Variants in CDK10 observed in about 807,000 individuals in gnomAD.
CDK10 encodes the protein cyclin dependent kinase 10.
In CDK10, 55 loss-of-function variants were observed where a neutral mutation model predicts 51.0. The ratio of observed to expected loss-of-function variants is 1.08; its 90% CI spans 0.87 to 1.35. The LOEUF (loss-of-function observed/expected upper bound fraction) is 1.35, where lower values mean the gene tolerates loss of function less well. Ranked by LOEUF, CDK10 falls within the 40% of genes most tolerant of loss-of-function variation. The probability of loss-of-function intolerance (pLI) is 0.00; values close to 1 mark genes in which losing one functional copy is unlikely to be tolerated. For missense variants in CDK10, 589 were observed against 485.1 expected (o/e 1.21, Z -2.01); for synonymous variants, 255 against 199.1 (o/e 1.28, Z -2.36).
intron 11 of CDK10, 101 bp from the exon 12 acceptor site, chr16:89,695,192 A>C: frequency 6.5e-7 from 1 of 1,536,878 alleles, no homozygotes; most frequent in Non-Finnish European, 8.8e-7. Context: ...CGGAGTGGCC[A>C]CCTGGCTTCC....
In CDK10 at chr16:89,693,823, A is replaced by G. The variant is rs1391329274; in HGVS notation, c.609-350A>G. The G allele has an allele frequency of 5.5e-6, 3 of 543,740 alleles. No homozygotes were observed. The East Asian group carries it at 9.6e-5, about 17-fold the overall frequency. The allele number at this position is 543,740 out of a possible 1,614,324, so 33.7% of individuals were successfully genotyped here. A position where few individuals can be genotyped will look rare whatever the true frequency, so the allele number is the denominator to read the frequency against. On this transcript the variant is annotated intron_variant, in intron 8 of 12. Transcript: ENST00000353379. ...TTCTTCCTCCTGGATACTTTTAACC[A>G]AACAGGGTCATGCTTAGCCAGGGCT...
chr16:89,693,622 G>A (rs552399291), intron 8 of CDK10, 155 bp downstream of exon 8: 1 of 711,576 alleles, frequency 1.4e-6, no homozygotes, highest in Non-Finnish European at 2.4e-6. Flanking sequence ...ACAGCCTCCA[G>A]GACACAGCAG....
In CDK10 at chr16:89,695,227, C is replaced by T. The variant is rs2060660343; in HGVS notation, c.933-66C>T. On this transcript the variant is annotated intron_variant, in intron 11 of 12. Transcript: ENST00000353379. ...CTTTGAGCATTTGAATCACAGGCTG[C>T]TCAGCTGGGTGGGAGGTGAGGAAGC... The T allele has an allele frequency of 2.6e-6, 4 of 1,559,418 alleles. 1 individual carries two copies. Among genetic ancestry groups the T allele is most frequent in the South Asian group, 2.3e-5 (2 of 86,670 alleles).
At chr16:89,692,296 G>A in intron 5 of CDK10, 153 bp from the exon 6 acceptor site, 1 of 565,904 alleles carries the variant, frequency 1.8e-6, no homozygotes, top group Non-Finnish European at 3.1e-6. Context: ...GGGCTGCTGG[G>A]AGCGTGCAGC....
chr16:89,692,876 G>A (rs1023648282), intron 6 of CDK10, among the ~76,000 whole-genome samples: 1 of 132,284 alleles, frequency 7.6e-6, no homozygotes, highest in East Asian at 2.3e-4. Flanking sequence ...AGTGGCTCAC[G>A]CCTGTGATCC....
In CDK10 at chr16:89,691,613, A is replaced by G. The variant is rs1430843479; in HGVS notation, c.335+68A>G. The G allele has an allele frequency of 5.7e-6, 8 of 1,398,142 alleles. No homozygotes were observed. In the African/African-American group the frequency reaches 1.1e-4, roughly 20 times the overall value. The allele number at this position is 1,398,142 out of a possible 1,614,324, so 86.6% of individuals were successfully genotyped here. ...GTGTCTTGGGCTAGAGGTGTTGCAC[A>G]GAGCGAGGACTGAGTGTCACTGGGC... On this transcript the variant is annotated intron_variant, in intron 4 of 12. Coordinates refer to ENST00000353379, the MANE Select transcript of CDK10 (RefSeq NM_052988.5).
At position 89,686,770 on chromosome 16, in the gene CDK10, C is replaced by T. The variant is rs776828556; in HGVS notation, c.60C>T (p.Gly20=). ...GTCTGAAGTGTATTCGTAAGGAGGGCTTCTTCACGGTGCCTCCGGAACACA... is the reference window on the plus strand; with the variant it reads ...GTCTGAAGTGTATTCGTAAGGAGGGTTTCTTCACGGTGCCTCCGGAACACA... ...QIRLKCIRKE[G]FFTVPPEHRL... is the part of the protein sequence containing the mutation. The change falls in exon 1 of 13, where the codon GGC becomes GGT. Residue 20 remains glycine, a synonymous_variant. Coordinates refer to ENST00000353379, the MANE Select transcript of CDK10 (RefSeq NM_052988.5). 2 of 1,612,416 alleles carry T rather than the reference C, an allele frequency of 1.2e-6. No individual in the cohort carries two copies. Among genetic ancestry groups the T allele is most frequent in the Non-Finnish European group, 1.7e-6 (2 of 1,179,158 alleles).
In CDK10 at chr16:89,695,439, A is replaced by C. The variant is rs2060676945; in HGVS notation, c.985+94A>C. On this transcript the variant is annotated intron_variant, in intron 12 of 12. Coordinates refer to ENST00000353379, the MANE Select transcript of CDK10 (RefSeq NM_052988.5). ...GGTGGAGAAGTGGCCTGCTGCCCTC[A>C]CTGACGGCACACCCTTTCTGGGGTA... The C allele has an allele frequency of 1.3e-5, 20 of 1,486,474 alleles. 2 individuals carry two copies. The South Asian group carries it at 2.2e-4, about 16-fold the overall frequency. 92.1% of individuals were successfully genotyped at this position (1,486,474 alleles called of 1,614,324 possible).
At chr16:89,694,637 C>T (rs1411529599) in intron 9 of CDK10, 28 bp from the exon 10 acceptor site, 2 of 1,572,876 alleles carry the variant, frequency 1.3e-6, no homozygotes, top group Middle Eastern at 1.7e-4. Flanking sequence ...AGACGTCTGG[C>T]CGCAGTGAGG....
intron 5 of CDK10, 79 bp downstream of exon 5, chr16:89,691,966 C>T (rs760023681): frequency 5.9e-6 from 7 of 1,183,200 alleles, no homozygotes; most frequent in South Asian, 1.3e-5. Context: ...AAACAGGGCA[C>T]TTGGGGACTT....
rs1219686389 is a variant in CDK10 at position 89,693,256 on chromosome 16, A to G, written c.486-18A>G. On this transcript the variant is annotated intron_variant, in intron 6 of 12. Coordinates refer to ENST00000353379, the MANE Select transcript of CDK10 (RefSeq NM_052988.5). ...TGTGGCCCTCTGGGAGCCACCTGCC[A>G]CTGTTTTTCCATCACAGGGACCTGA... is the stretch of plus-strand genomic sequence containing the variant. 6.2e-7 allele frequency: 1 copy of G among 1,613,698 alleles called. No homozygotes were observed. The highest frequency in any genetic ancestry group is 1.3e-5 in the African/African-American group (1 of 74,878).
In CDK10 at chr16:89,694,924, C is replaced by T; in HGVS notation, c.793-7C>T. 4 of 1,612,638 alleles carry T rather than the reference C, an allele frequency of 2.5e-6. No individual in the cohort carries two copies. Among genetic ancestry groups the T allele is most frequent in the Middle Eastern group, 1.7e-4 (1 of 6,040 alleles). ...GCCCTCTGCGCCTCAGCTCCTGCCT[C>T]CCATAGGGCTTTTCCAAGCTGCCAC... On this transcript the variant is annotated splice_region_variant and splice_polypyrimidine_tract_variant and intron_variant, in intron 10 of 12. Coordinates refer to ENST00000353379, the MANE Select transcript of CDK10 (RefSeq NM_052988.5).
chr16:89,688,917 A>G (rs1389872102), intron 1 of CDK10, among the ~76,000 whole-genome samples: 1 of 152,172 alleles, frequency 6.6e-6, no homozygotes, highest in Non-Finnish European at 1.5e-5. Flanking sequence ...CCTGGCCAAC[A>G]TGGTGAAACC....
rs1225259841 is a variant in CDK10, at chr16:89,694,990, C to T, written c.852C>T (p.Asn284=). The change falls in exon 11 of 13, where the codon AAC becomes AAT. Residue 284 remains asparagine, a synonymous_variant. Coordinates refer to ENST00000353379, the MANE Select transcript of CDK10 (RefSeq NM_052988.5). ...QYSLRKQPYN[N]LKHKFPWLSE... is the part of the protein sequence containing the mutation. ...GCCTCCGGAAGCAGCCCTACAACAA[C>T]CTGAAGCACAAGTTCCCATGGCTGT... 5 of 1,613,402 alleles carry T rather than the reference C, an allele frequency of 3.1e-6. No homozygotes were observed. Among genetic ancestry groups the T allele is most frequent in the South Asian group, 1.1e-5 (1 of 91,090 alleles).
intron 9 of CDK10, 27 bp from the exon 10 acceptor site, chr16:89,694,638 C>T (rs369733584): frequency 1.7e-5 from 26 of 1,573,748 alleles, no homozygotes; most frequent in African/African-American, 2.7e-5. Flanking sequence ...GACGTCTGGC[C>T]GCAGTGAGGT....
chr16:89,693,107 C>A (rs1370630482), intron 6 of CDK10, among the ~76,000 whole-genome samples, 167 bp from the exon 7 acceptor site: 1 of 150,296 alleles, frequency 6.7e-6, no homozygotes. Flanking sequence ...CACTGCACTC[C>A]AGCCTGGGCG....
At position 89,695,909 on chromosome 16, in the gene CDK10, C is replaced by T. The variant is rs888110040; in HGVS notation, c.*217C>T. On this transcript the variant is annotated 3_prime_UTR_variant, in exon 13 of 13. Transcript: ENST00000353379. ...CACCGGGGGGCTCCCAGCCCGTGCA[C>T]CCTGGAAGGGCAGGTCTGGCGGCTC... 57 of 1,018,198 alleles carry T rather than the reference C, an allele frequency of 5.6e-5. No individual in the cohort carries two copies. The highest frequency in any genetic ancestry group is 7.6e-5 in the Non-Finnish European group (52 of 686,068). The allele number at this position is 1,018,198 out of a possible 1,614,324, so 63.1% of individuals were successfully genotyped here. A position where few individuals can be genotyped will look rare whatever the true frequency, so the allele number is the denominator to read the frequency against.
In CDK10 at chr16:89,689,339, C is replaced by G. The variant is rs548285053; in HGVS notation, c.160+15C>G. The G allele has an allele frequency of 1.2e-6, 2 of 1,610,246 alleles. No individual in the cohort carries two copies. Among genetic ancestry groups the G allele is most frequent in the Non-Finnish European group, 1.7e-6 (2 of 1,176,540 alleles). ...CGGCATTGTGTGTGAGTGGCCAAGG[C>G]TAGGACATGTGGCCGCAGCTCGTGG... is the stretch of plus-strand genomic sequence containing the variant. On this transcript the variant is annotated intron_variant, in intron 2 of 12. Transcript: ENST00000353379.
rs1322972270 is a variant in CDK10 at position 89,695,294 on chromosome 16, G to A, written c.934G>A (p.Ala312Thr). The change falls in exon 12 of 13, where the codon GCG becomes ACG. Residue 312 changes from alanine to threonine, a missense_variant and splice_region_variant. By Grantham distance (58) the Ala-to-Thr change is moderately conservative (BLOSUM62 0). Coordinates refer to ENST00000353379, the MANE Select transcript of CDK10 (RefSeq NM_052988.5). ...FLFMYDPKKR[A>T]TAGDCLESSY... ...ACTAACGCAGGCTGCCTCCTCCAGG[G>A]CGACGGCCGGGGACTGCCTGGAGAG... is the stretch of plus-strand genomic sequence containing the variant. 1 of 1,610,354 alleles carries A rather than the reference G, an allele frequency of 6.2e-7. No individual in the cohort carries two copies. The highest frequency in any genetic ancestry group is 8.5e-7 in the Non-Finnish European group (1 of 1,177,978).
Sources: gnomAD v4.1 joint callset for allele counts (sites outside exome capture counted in the v4.1 genomes callset) on GRCh38, gnomAD v4.1.1 for gene constraint, MANE v1.5 for transcripts, NCBI Gene and HGNC (gene_info 2026-07-23, HGNC 2026-07-21) for gene names.